Variants in AKT3 observed in about 807,000 individuals in gnomAD.
AKT3 encodes the protein RAC-gamma serine/threonine-protein kinase.
AKT3 carries 15 observed loss-of-function variants against 65.3 expected under a neutral mutation model. That is an observed-to-expected ratio of 0.23 (90% CI 0.15 to 0.35). The LOEUF is 0.35. Among genes scored for constraint, AKT3 ranks in the 10% least tolerant of loss-of-function variants. AKT3 has a pLI of 1.00. For missense variants in AKT3, 243 were observed against 576.5 expected, an observed-to-expected ratio of 0.42 and a Z score of 5.92; for synonymous variants, 206 against 183.8, an observed-to-expected ratio of 1.12 and a Z score of -0.98.
chr1:243,517,178 A>G (rs1338036003), intron 12 of AKT3, among the ~76,000 whole-genome samples: 1 of 152,152 alleles, frequency 6.6e-6, no homozygotes, highest in Non-Finnish European at 1.5e-5. Context: ...TCAAAGAGAA[A>G]ATGTTTTACA....
chr1:243,519,050 A>G (rs1242281049), intron 12 of AKT3, among the ~76,000 whole-genome samples: 1 of 152,238 alleles, frequency 6.6e-6, no homozygotes, highest in Non-Finnish European at 1.5e-5. Context: ...CTAAAAATGG[A>G]TAACTTATTT....
intron 1 of AKT3, among the ~76,000 whole-genome samples, chr1:243,848,600 A>T (rs576894869): frequency 6.6e-6 from 1 of 152,204 alleles, no homozygotes; most frequent in Non-Finnish European, 1.5e-5. Flanking sequence ...CACTGACAAA[A>T]CCCAGTGGTT....
intron 12 of AKT3, among the ~76,000 whole-genome samples, chr1:243,529,759 C>G (rs80314605): frequency 6.6e-6 from 1 of 152,034 alleles, no homozygotes; most frequent in Non-Finnish European, 1.5e-5. Context: ...CTTAGTATTG[C>G]CTTGGCTATT....
intron 2 of AKT3, among the ~76,000 whole-genome samples, chr1:243,736,426 C>T (rs1313519403): frequency 6.6e-6 from 1 of 152,022 alleles, no homozygotes; most frequent in African/African-American, 2.4e-5. Context: ...GTACTTGATG[C>T]CCACTGTTAA....
At chr1:243,546,190 C>T (rs1294803919) in intron 11 of AKT3, among the ~76,000 whole-genome samples, 1 of 152,204 alleles carries the variant, frequency 6.6e-6, no homozygotes, top group Non-Finnish European at 1.5e-5. Flanking sequence ...AGATGTGCCT[C>T]TGCTCCTCCT....
At chr1:243,765,997 C>T (rs1689795122) in intron 2 of AKT3, among the ~76,000 whole-genome samples, 1 of 152,130 alleles carries the variant, frequency 6.6e-6, no homozygotes, top group Admixed American at 6.6e-5. Flanking sequence ...TTGGCCTGTC[C>T]AAAGAGGTTT....
intron 3 of AKT3, among the ~76,000 whole-genome samples, chr1:243,684,385 C>T (rs1684139966): frequency 1.3e-5 from 2 of 152,092 alleles, no homozygotes; most frequent in African/African-American, 4.8e-5. Context: ...TCAACTCCCA[C>T]TTATGAATGA....
chr1:243,609,334 CTGTGTGTG>C (rs72249798), intron 8 of AKT3, among the ~76,000 whole-genome samples: 95 of 148,168 alleles, frequency 6.4e-4, no homozygotes, highest in African/African-American at 1.6e-3. Context: ...TTTTCATTTT[CTGTGTGTG>C]TGTGTGTGTG....
At chr1:243,590,015 A>C (rs1268947055) in intron 8 of AKT3, among the ~76,000 whole-genome samples, 1 of 152,206 alleles carries the variant, frequency 6.6e-6, no homozygotes. Flanking sequence ...TGTATGATCC[A>C]CTTATATGGG....
At chr1:243,806,719 G>T (rs933851724) in intron 2 of AKT3, among the ~76,000 whole-genome samples, 1 of 152,090 alleles carries the variant, frequency 6.6e-6, no homozygotes, top group African/African-American at 2.4e-5. Context: ...CTATCTGAGA[G>T]ATCTGTCATT....
intron 2 of AKT3, among the ~76,000 whole-genome samples, chr1:243,837,181 G>C (rs1194954641): frequency 6.6e-6 from 1 of 151,852 alleles, no homozygotes; most frequent in Admixed American, 6.6e-5. Flanking sequence ...ATAAGGATAA[G>C]GGAATATTAA....
chr1:243,629,210 A>C (rs540501579), intron 6 of AKT3, among the ~76,000 whole-genome samples: 1 of 152,218 alleles, frequency 6.6e-6, no homozygotes, highest in African/African-American at 2.4e-5. Context: ...TGGGAGGCAG[A>C]GGTTGCAGTG....
At chr1:243,673,673 G>T (rs1572147894) in intron 3 of AKT3, among the ~76,000 whole-genome samples, 1 of 149,052 alleles carries the variant, frequency 6.7e-6, no homozygotes, top group East Asian at 2.0e-4. Flanking sequence ...GAGTGCAGTG[G>T]CGCGATCTCG....
intron 8 of AKT3, 136 bp downstream of exon 8, chr1:243,613,535 G>A: frequency 2.0e-6 from 1 of 511,724 alleles, no homozygotes; most frequent in Non-Finnish European, 3.3e-6. Flanking sequence ...GCTCCCATTT[G>A]TTCAATAGTA....
intron 6 of AKT3, among the ~76,000 whole-genome samples, chr1:243,635,959 AC>A (rs1679941953): frequency 6.6e-6 from 1 of 152,084 alleles, no homozygotes; most frequent in South Asian, 2.1e-4. Context: ...GCAAGGCACT[AC>A]TTCAATCAGA....
rs530274015 is a variant in AKT3 at position 243,642,467 on chromosome 1, G to A, written c.429+3426C>T. On this transcript the variant is annotated intron_variant, in intron 5 of 13. Transcript: ENST00000673466. ...TGGGACTACAGGCGCCCGCCACCAC[G>A]CCTGGTTAATTTTTTGTATTTTTAG... Among the ~76,000 whole-genome samples, 28 of 152,166 alleles carry A rather than the reference G, an allele frequency of 1.8e-4. No individual in the cohort carries two copies. The South Asian group carries it at 1.9e-3, about 10-fold the overall frequency.
intron 2 of AKT3, among the ~76,000 whole-genome samples, chr1:243,806,042 C>T (rs1692702596): frequency 6.6e-6 from 1 of 152,130 alleles, no homozygotes; most frequent in South Asian, 2.1e-4. Context: ...AGCATGCTTC[C>T]TATTTTCTAT....
Position 243,504,101 on chromosome 1 carries a change from A to G in AKT3, c.*1148T>C, listed in dbSNP as rs1669515210. 1 of 222,458 alleles carries G rather than the reference A, an allele frequency of 4.5e-6. No homozygotes were observed. Among genetic ancestry groups the G allele is most frequent in the South Asian group, 1.8e-4 (1 of 5,440 alleles). 13.8% of individuals were successfully genotyped at this position (222,458 alleles called of 1,614,324 possible). On this transcript the variant is annotated 3_prime_UTR_variant, in exon 14 of 14. Transcript: ENST00000673466. ...TATCATTTTTTTTAACAGAGGAGAAAAAGTGCATGATTCTCATCAGCGTGT... is the reference window on the plus strand; with the variant it reads ...TATCATTTTTTTTAACAGAGGAGAAGAAGTGCATGATTCTCATCAGCGTGT...
chr1:243,765,199 CTTAT>C (rs1317414416), intron 2 of AKT3, among the ~76,000 whole-genome samples: 2 of 151,940 alleles, frequency 1.3e-5, no homozygotes, highest in Non-Finnish European at 2.9e-5. Flanking sequence ...GTGTATAAAA[CTTAT>C]TTAAATTTTA....
Sources: allele counts gnomAD v4.1 joint callset (sites outside exome capture counted in the v4.1 genomes callset), GRCh38; gene constraint gnomAD v4.1.1; transcripts MANE v1.5; gene names NCBI Gene and HGNC (gene_info 2026-07-23, HGNC 2026-07-21).